NEGR1: variants seen among roughly 807,000 people sequenced by gnomAD.
The protein encoded by NEGR1 is IgLON family member 4.
Under a neutral mutation model 40.9 loss-of-function variants are expected in NEGR1, and 10 were observed. The observed-to-expected ratio is 0.24, with a 90% CI of 0.15 to 0.42. The LOEUF (loss-of-function observed/expected upper bound fraction) is 0.42, where lower values mean the gene tolerates loss of function less well. Ranked by LOEUF, NEGR1 falls within the 10% of genes least tolerant of loss-of-function variation. The pLI is 1.00. For synonymous variants in NEGR1, 185 were observed against 166.8 expected, an observed-to-expected ratio of 1.11 and a Z score of -0.84; for missense variants, 352 against 438.9, an observed-to-expected ratio of 0.80 and a Z score of 1.77.
chr1:72,054,864 C>T (rs1383007124), intron 1 of NEGR1, among the ~76,000 whole-genome samples: 1 of 150,712 alleles, frequency 6.6e-6, no homozygotes, highest in Non-Finnish European at 1.5e-5. Context: ...CTAATATAAC[C>T]TTTGAGAAGT....
At chr1:71,833,016 A>G (rs1449707858) in intron 2 of NEGR1, among the ~76,000 whole-genome samples, 4 of 152,052 alleles carry the variant, frequency 2.6e-5, no homozygotes, top group African/African-American at 9.7e-5. Flanking sequence ...TGATACATAG[A>G]AAGAAAAACA....
chr1:72,149,451 A>G (rs1651034714), intron 1 of NEGR1, among the ~76,000 whole-genome samples: 1 of 152,168 alleles, frequency 6.6e-6, no homozygotes, highest in Non-Finnish European at 1.5e-5. Flanking sequence ...GCTTCTTAAA[A>G]TCTTCCGTTC....
At chr1:72,251,728 C>G (rs1056854879) in intron 1 of NEGR1, among the ~76,000 whole-genome samples, 1 of 152,044 alleles carries the variant, frequency 6.6e-6, no homozygotes, top group African/African-American at 2.4e-5. Flanking sequence ...TATTTTGGAT[C>G]CATGGTTGAA....
rs1438332345 is a variant in NEGR1 at position 71,658,749 on chromosome 1, C to A, written c.667+39259G>T. ...CCTTATCTTAGATATTTTAAAATAA[C>A]TTTGGAGATCTTGTTGAGGAACTGC... On this transcript the variant is annotated intron_variant, in intron 4 of 6. Coordinates refer to ENST00000357731, the MANE Select transcript of NEGR1 (RefSeq NM_173808.3). 3.3e-5 allele frequency among the ~76,000 whole-genome samples: 5 copies of A among 152,026 alleles called. No individual in the cohort carries two copies. In the East Asian group the frequency reaches 9.6e-4, roughly 29 times the overall value.
intron 6 of NEGR1, among the ~76,000 whole-genome samples, chr1:71,469,875 C>A (rs886112327): frequency 6.6e-6 from 1 of 152,078 alleles, no homozygotes; most frequent in African/African-American, 2.4e-5. Flanking sequence ...TTTTTCCACA[C>A]TGAAATAGTG....
chr1:71,425,307 C>T (rs924963845), intron 6 of NEGR1, among the ~76,000 whole-genome samples: 5 of 152,162 alleles, frequency 3.3e-5, no homozygotes, highest in African/African-American at 1.2e-4. Flanking sequence ...TCCCATTAAA[C>T]TTGTCTATCT....
intron 3 of NEGR1, among the ~76,000 whole-genome samples, chr1:71,773,048 T>C (rs1208684695): frequency 6.6e-6 from 1 of 152,062 alleles, no homozygotes; most frequent in Non-Finnish European, 1.5e-5. Flanking sequence ...TTGGTGAAAG[T>C]ATAGTTGAGT....
At chr1:71,706,425 TTAGGTGAGTCC>T (rs1653901484) in intron 3 of NEGR1, among the ~76,000 whole-genome samples, 1 of 151,930 alleles carries the variant, frequency 6.6e-6, no homozygotes, top group South Asian at 2.1e-4. Flanking sequence ...ACTGCAACTC[TTAGGTGAGTCC>T]TAGGGAAGAA....
chr1:71,922,326 A>G (rs897688886), intron 2 of NEGR1, among the ~76,000 whole-genome samples: 3 of 152,216 alleles, frequency 2.0e-5, no homozygotes, highest in East Asian at 1.9e-4. Flanking sequence ...GCCAGAAACT[A>G]AAAAACATAG....
chr1:71,480,970 GTCTGAT>G (rs1646850373), intron 6 of NEGR1, among the ~76,000 whole-genome samples: 1 of 151,870 alleles, frequency 6.6e-6, no homozygotes, highest in Non-Finnish European at 1.5e-5. Flanking sequence ...CCAAATTGTA[GTCTGAT>G]TCTATTAAAT....
chr1:71,728,924 C>G (rs1434528830), intron 3 of NEGR1, among the ~76,000 whole-genome samples: 4 of 152,122 alleles, frequency 2.6e-5, no homozygotes, highest in African/African-American at 9.7e-5. Context: ...TAGGAGCAGG[C>G]ATTTCTTGCA....
intron 1 of NEGR1, chr1:72,275,240 A>G (rs1357881282): frequency 1.7e-6 from 1 of 579,422 alleles, no homozygotes; most frequent in Non-Finnish European, 3.1e-6. Context: ...TTTATTCATA[A>G]TGATCTTAAA....
At chr1:71,997,686 T>A (rs1646517154) in intron 1 of NEGR1, among the ~76,000 whole-genome samples, 1 of 151,970 alleles carries the variant, frequency 6.6e-6, no homozygotes, top group African/African-American at 2.4e-5. Flanking sequence ...ATTGGATGTT[T>A]TCTTTCTGAA....
At chr1:72,084,237 ACTTTCAG>A (rs1648118189) in intron 1 of NEGR1, among the ~76,000 whole-genome samples, 1 of 152,098 alleles carries the variant, frequency 6.6e-6, no homozygotes, top group African/African-American at 2.4e-5. Flanking sequence ...ACTGACTTAA[ACTTTCAG>A]CTCTACAAAA....
At chr1:71,736,933 G>A (rs746976793) in intron 3 of NEGR1, among the ~76,000 whole-genome samples, 7 of 152,138 alleles carry the variant, frequency 4.6e-5, no homozygotes, top group African/African-American at 9.7e-5. Flanking sequence ...CATCATGAAG[G>A]CACATTTTGG....
intron 2 of NEGR1, among the ~76,000 whole-genome samples, chr1:71,856,393 C>T (rs1028054122): frequency 2.6e-5 from 4 of 152,074 alleles, no homozygotes; most frequent in Admixed American, 6.6e-5. Context: ...ATACCATTCA[C>T]TTATTTATCC....
intron 2 of NEGR1, among the ~76,000 whole-genome samples, chr1:71,866,093 C>G (rs1297473618): frequency 6.6e-6 from 1 of 151,868 alleles, no homozygotes; most frequent in Non-Finnish European, 1.5e-5. Flanking sequence ...ACAAAAAAAG[C>G]CTGTAACAAA....
intron 2 of NEGR1, among the ~76,000 whole-genome samples, chr1:71,851,819 T>G (rs923416350): frequency 1.3e-5 from 2 of 152,156 alleles, no homozygotes; most frequent in African/African-American, 4.8e-5. Context: ...GACTCTATAT[T>G]TAAACCGTGG....
intron 6 of NEGR1, among the ~76,000 whole-genome samples, chr1:71,560,099 TG>T (rs1217582642): frequency 9.9e-5 from 15 of 151,264 alleles, no homozygotes; most frequent in Non-Finnish European, 3.0e-5. Flanking sequence ...ATGATGATGA[TG>T]ATGATGATGA....
Sources: allele counts gnomAD v4.1 joint callset (sites outside exome capture counted in the v4.1 genomes callset), GRCh38; gene constraint gnomAD v4.1.1; transcripts MANE v1.5; gene names NCBI Gene and HGNC (gene_info 2026-07-23, HGNC 2026-07-21).